The following PCDH9 variants were observed in gnomAD, a reference collection of about 807,000 sequenced individuals.
PCDH9 encodes protocadherin-9.
PCDH9 carries 24 observed loss-of-function variants against 70.6 expected under a neutral mutation model. The observed-to-expected ratio is 0.34, with a 90% CI of 0.25 to 0.48. The LOEUF is 0.48. Ranked by LOEUF, PCDH9 falls within the 20% of genes least tolerant of loss-of-function variation. PCDH9 has a pLI of 0.99. For synonymous variants in PCDH9, 562 were observed against 558.5 expected, an observed-to-expected ratio of 1.01 and a Z score of -0.09; for missense variants, 1,281 against 1,503.6, an observed-to-expected ratio of 0.85 and a Z score of 2.45.
At chr13:66,348,305 T>C (rs193137245) in intron 4 of PCDH9, among the ~76,000 whole-genome samples, 4 of 152,176 alleles carry the variant, frequency 2.6e-5, no homozygotes, top group Admixed American at 6.5e-5. Context: ...CAACATTCCC[T>C]GTCTTCAGAC....
chr13:66,374,565 A>C (rs1194933959), intron 4 of PCDH9, among the ~76,000 whole-genome samples: 1 of 151,894 alleles, frequency 6.6e-6, no homozygotes, highest in Admixed American at 6.6e-5. Context: ...TTATATTTTC[A>C]TTTTTTAAAT....
rs1957787094 is a variant in PCDH9, at chr13:66,432,351, C to A, written c.3341-127323G>T. On this transcript the variant is annotated intron_variant, in intron 4 of 4. Coordinates refer to ENST00000377865, the MANE Select transcript of PCDH9 (RefSeq NM_203487.3). ...AATTTGTGGCAACATGACGTCTGAG[C>A]CTTGAGGTAATTTACTTAAGAAAAT... 2.0e-5 allele frequency among the ~76,000 whole-genome samples: 3 copies of A among 151,790 alleles called. No individual in the cohort carries two copies. In the South Asian group the frequency reaches 6.2e-4, roughly 32 times the overall value.
At chr13:66,413,714 A>C (rs1957413271) in intron 4 of PCDH9, among the ~76,000 whole-genome samples, 1 of 151,828 alleles carries the variant, frequency 6.6e-6, no homozygotes, top group Non-Finnish European at 1.5e-5. Flanking sequence ...AAATAAAATA[A>C]AATATTAAAA....
At chr13:66,553,232 T>C (rs1342792616) in intron 4 of PCDH9, among the ~76,000 whole-genome samples, 2 of 152,198 alleles carry the variant, frequency 1.3e-5, no homozygotes, top group African/African-American at 4.8e-5. Flanking sequence ...AAAGAACCAG[T>C]ATGACAGCAA....
chr13:66,681,287 G>T (rs1424652039), intron 3 of PCDH9, among the ~76,000 whole-genome samples: 1 of 152,010 alleles, frequency 6.6e-6, no homozygotes, highest in Admixed American at 6.6e-5. Flanking sequence ...TTAAACAACT[G>T]CATTATATGG....
chr13:66,779,815 A>ATCTCTCTCTCTCTCTCTCTC (rs1225450927), intron 3 of PCDH9, among the ~76,000 whole-genome samples: 1 of 100,906 alleles, frequency 9.9e-6, no homozygotes, highest in African/African-American at 4.0e-5. Context: ...GCGAGACTCC[A>ATCTCTCTCTCTCTCTCTCTC]TCTCTCTCTC....
chr13:66,397,805 A>G (rs1188042501), intron 4 of PCDH9, among the ~76,000 whole-genome samples: 1 of 152,032 alleles, frequency 6.6e-6, no homozygotes. Flanking sequence ...AAAGAAGCAG[A>G]TAACTGGACA....
chr13:66,864,367 G>C (rs968010831), intron 3 of PCDH9, among the ~76,000 whole-genome samples: 3 of 152,046 alleles, frequency 2.0e-5, no homozygotes, highest in African/African-American at 2.4e-5. Context: ...CCTCAAAAAG[G>C]GGGGTGGGGG....
chr13:67,019,208 T>TG (rs2084625273), intron 2 of PCDH9, among the ~76,000 whole-genome samples: 4 of 146,548 alleles, frequency 2.7e-5, no homozygotes, highest in Admixed American at 2.1e-4. Flanking sequence ...TTTTTTTTTT[T>TG]TCTGAGATGG....
intron 3 of PCDH9, among the ~76,000 whole-genome samples, chr13:66,795,296 C>T (rs1372455): frequency 0.95 from 144,401 of 152,176 alleles, 69,016 homozygotes; most frequent in East Asian, 1. Context: ...TGTCAATGCT[C>T]AAGAAAGTTT....
At position 66,601,516 on chromosome 13, in the gene PCDH9, C is replaced by G. The variant is rs555821004; in HGVS notation, c.3340+29694G>C. Reference sequence around the variant, plus strand: ...TTTTGATGAGCGAAGGAAGAGCTAACTAATCAGGCCACACATCTATTGGAA... The same window carrying G: ...TTTTGATGAGCGAAGGAAGAGCTAAGTAATCAGGCCACACATCTATTGGAA... On this transcript the variant is annotated intron_variant, in intron 4 of 4. Transcript: ENST00000377865. Among the ~76,000 whole-genome samples the G allele has an allele frequency of 6.4e-4, 93 of 146,326 alleles. 8 individuals are homozygous for G. The highest frequency in any genetic ancestry group is 2.2e-3 in the African/African-American group (90 of 40,740).
At chr13:66,469,897 T>C (rs1566350130) in intron 4 of PCDH9, among the ~76,000 whole-genome samples, 2 of 152,194 alleles carry the variant, frequency 1.3e-5, no homozygotes, top group Admixed American at 6.5e-5. Context: ...GCCACCGCAT[T>C]TCATGGACAG....
chr13:66,630,401 T>G (rs2077554502), intron 4 of PCDH9, among the ~76,000 whole-genome samples: 1 of 152,182 alleles, frequency 6.6e-6, no homozygotes, highest in Non-Finnish European at 1.5e-5. Flanking sequence ...TGAAATGGTC[T>G]TTTATTTATT....
At chr13:66,724,537 A>G (rs1477223444) in intron 3 of PCDH9, among the ~76,000 whole-genome samples, 1 of 152,172 alleles carries the variant, frequency 6.6e-6, no homozygotes, top group Non-Finnish European at 1.5e-5. Context: ...ACCATATGTG[A>G]TAATACAACT....
intron 4 of PCDH9, among the ~76,000 whole-genome samples, chr13:66,512,199 T>A (rs1470073233): frequency 6.6e-6 from 1 of 151,482 alleles, no homozygotes; most frequent in Non-Finnish European, 1.5e-5. Flanking sequence ...CATCCCTGCC[T>A]ATTTTCCTAA....
chr13:67,124,824 A>G (rs1441902111), intron 2 of PCDH9, among the ~76,000 whole-genome samples: 1 of 152,184 alleles, frequency 6.6e-6, no homozygotes, highest in African/African-American at 2.4e-5. Flanking sequence ...GAGTGAGAAC[A>G]GAAGGAGATT....
intron 2 of PCDH9, among the ~76,000 whole-genome samples, chr13:67,012,968 C>T (rs1461400919): frequency 2.6e-5 from 4 of 151,868 alleles, no homozygotes; most frequent in African/African-American, 9.7e-5. Flanking sequence ...GGTGAAGTCA[C>T]TGTACTCATT....
chr13:66,462,370 T>C, intron 4 of PCDH9, among the ~76,000 whole-genome samples: 1 of 151,856 alleles, frequency 6.6e-6, no homozygotes, highest in Non-Finnish European at 1.5e-5. Context: ...TTATCAGAAA[T>C]AAGGAAGTCA....
At chr13:66,838,426 T>C (rs940806063) in intron 3 of PCDH9, among the ~76,000 whole-genome samples, 11 of 152,106 alleles carry the variant, frequency 7.2e-5, no homozygotes, top group Admixed American at 6.6e-4. Context: ...AAGGTCTGAA[T>C]TGTCTATAAA....
Sources: allele counts gnomAD v4.1 joint callset (sites outside exome capture counted in the v4.1 genomes callset), GRCh38; gene constraint gnomAD v4.1.1; transcripts MANE v1.5; gene names NCBI Gene and HGNC (gene_info 2026-07-23, HGNC 2026-07-21).